Variants in GNAL observed in about 807,000 individuals in gnomAD.
The protein encoded by GNAL is G protein subunit alpha L, also known as guanine nucleotide-binding protein G(olf) subunit alpha.
Under a neutral mutation model 55.1 loss-of-function variants are expected in GNAL, and 18 were observed. The observed-to-expected ratio is 0.33, with a 90% CI of 0.23 to 0.48. GNAL has a LOEUF of 0.48. GNAL is among the 20% of genes least tolerant of loss of function. The pLI is 0.99. For missense variants in GNAL, 412 were observed against 614.1 expected, an observed-to-expected ratio of 0.67 and a Z score of 3.48; for synonymous variants, 253 against 237.0, an observed-to-expected ratio of 1.07 and a Z score of -0.62.
At chr18:11,761,379 TGTGGGA>T (rs2033238065) in intron 4 of GNAL, among the ~76,000 whole-genome samples, 1 of 152,212 alleles carries the variant, frequency 6.6e-6, no homozygotes, top group Non-Finnish European at 1.5e-5. Flanking sequence ...CAGGTTCTCA[TGTGGGA>T]GTCCCCCAGG....
Position 11,752,258 on chromosome 18 carries a change from G to A in GNAL, c.377-595G>A. 7.5e-7 allele frequency: 1 copy of A among 1,339,916 alleles called. No homozygotes were observed. The highest frequency in any genetic ancestry group is 9.7e-7 in the Non-Finnish European group (1 of 1,032,162). The allele number at this position is 1,339,916 out of a possible 1,614,324, so 83.0% of individuals were successfully genotyped here. ...GCCATTTAGTTGGGAGTTTGCGGTG[G>A]GCAGGGGGAGGGAGAAGAAACGCCT... On this transcript the variant is annotated intron_variant, in intron 1 of 11. Coordinates refer to ENST00000334049, the MANE Select transcript of GNAL (RefSeq NM_182978.4). This position sits in a 1 kb window ranked among gnomAD's most constrained non-coding sequence, Gnocchi z 4.5.
intron 5 of GNAL, among the ~76,000 whole-genome samples, chr18:11,861,390 C>T (rs1159793745): frequency 6.6e-6 from 1 of 152,188 alleles, no homozygotes; most frequent in Non-Finnish European, 1.5e-5. Context: ...CAATGGTCAC[C>T]TGTCCCAGCC....
intron 4 of GNAL, among the ~76,000 whole-genome samples, chr18:11,784,107 C>A (rs1045732467): frequency 2.0e-5 from 3 of 152,224 alleles, no homozygotes; most frequent in Non-Finnish European, 4.4e-5. Flanking sequence ...AGTAGCGTTG[C>A]CTGAGTACCG....
At chr18:11,873,010 G>A (rs900976988) in intron 10 of GNAL, among the ~76,000 whole-genome samples, 1 of 152,162 alleles carries the variant, frequency 6.6e-6, no homozygotes, top group Non-Finnish European at 1.5e-5. Flanking sequence ...AGGGGTTTCC[G>A]GGGCACGGGA....
intron 1 of GNAL, among the ~76,000 whole-genome samples, chr18:11,696,100 A>G (rs1242513449): frequency 6.6e-6 from 1 of 152,148 alleles, no homozygotes; most frequent in Non-Finnish European, 1.5e-5. Flanking sequence ...ATCCTTATTA[A>G]CTTGCTGTCT....
At chr18:11,763,591 G>A (rs1288047583) in intron 4 of GNAL, among the ~76,000 whole-genome samples, 1 of 151,774 alleles carries the variant, frequency 6.6e-6, no homozygotes, top group Non-Finnish European at 1.5e-5. Context: ...TGGCCAGGCT[G>A]GTCTCAAACT....
chr18:11,851,922 C>T lies in GNAL; in HGVS notation c.723-10473C>T, dbSNP rs774862422. ...CGCAGCAAATGGAAGACACGATGAG[C>T]AGCACGACGACGCTCACCACTCCCC... is the stretch of plus-strand genomic sequence containing the variant. On this transcript the variant is annotated intron_variant, in intron 5 of 11. Transcript: ENST00000334049. The T allele has an allele frequency of 4.3e-6, 7 of 1,613,918 alleles. No individual in the cohort carries two copies. In the Admixed American group the frequency reaches 1.0e-4, roughly 23 times the overall value.
intron 4 of GNAL, among the ~76,000 whole-genome samples, chr18:11,819,522 C>T (rs2035040372): frequency 6.6e-6 from 1 of 151,952 alleles, no homozygotes; most frequent in African/African-American, 2.4e-5. Flanking sequence ...ATATAAATAA[C>T]AAATATTCAC....
chr18:11,862,499 T>C (rs1449077742), intron 6 of GNAL, 50 bp downstream of exon 6: 2 of 1,303,344 alleles, frequency 1.5e-6, no homozygotes. Context: ...TTGAGATTCA[T>C]TTCCAATATG....
At chr18:11,789,419 C>T (rs1470274177) in intron 4 of GNAL, among the ~76,000 whole-genome samples, 2 of 152,212 alleles carry the variant, frequency 1.3e-5, no homozygotes, top group African/African-American at 2.4e-5. Context: ...TGGATTCCCA[C>T]GTAGTTGGCA....
At chr18:11,799,166 G>A (rs943439941) in intron 4 of GNAL, among the ~76,000 whole-genome samples, 27 of 151,038 alleles carry the variant, frequency 1.8e-4, no homozygotes, top group Non-Finnish European at 3.2e-4. Context: ...TGGAAATTAA[G>A]CCTCAAACTA....
intron 4 of GNAL, among the ~76,000 whole-genome samples, chr18:11,795,081 G>A (rs1002049942): frequency 6.6e-6 from 1 of 152,010 alleles, no homozygotes; most frequent in Non-Finnish European, 1.5e-5. Flanking sequence ...GACCTCAGGT[G>A]ATCTGCCCAT....
At chr18:11,805,302 A>G (rs1045065702) in intron 4 of GNAL, among the ~76,000 whole-genome samples, 3 of 149,942 alleles carry the variant, frequency 2.0e-5, no homozygotes, top group Non-Finnish European at 4.4e-5. Flanking sequence ...TGCAATTTGA[A>G]TGGAACATGG....
At chr18:11,842,529 G>T (rs987052996) in intron 5 of GNAL, among the ~76,000 whole-genome samples, 2 of 151,974 alleles carry the variant, frequency 1.3e-5, no homozygotes, top group African/African-American at 4.8e-5. Context: ...CCTGCAACTA[G>T]ATGGTCCCAT....
intron 4 of GNAL, among the ~76,000 whole-genome samples, chr18:11,769,157 T>C (rs8096000): frequency 0.14 from 13,732 of 98,270 alleles, 1,982 homozygotes; most frequent in East Asian, 0.29. Flanking sequence ...ATTATATAAA[T>C]TATATGTAAT....
chr18:11,770,318 A>G (rs1054188074), intron 4 of GNAL, among the ~76,000 whole-genome samples: 4 of 152,202 alleles, frequency 2.6e-5, no homozygotes, highest in Admixed American at 1.3e-4. Flanking sequence ...ACTTACCTCA[A>G]TGATTATTCT....
At chr18:11,770,395 A>G (rs973657191) in intron 4 of GNAL, among the ~76,000 whole-genome samples, 1 of 152,224 alleles carries the variant, frequency 6.6e-6, no homozygotes, top group African/African-American at 2.4e-5. Context: ...GAAAAAAGAA[A>G]AAAGGGAAAA....
chr18:11,844,302 C>T (rs867930337), intron 5 of GNAL, among the ~76,000 whole-genome samples: 1 of 150,968 alleles, frequency 6.6e-6, no homozygotes, highest in Admixed American at 6.6e-5. Context: ...GGCGTGGTGG[C>T]GGGCGCCTGT....
intron 4 of GNAL, among the ~76,000 whole-genome samples, chr18:11,785,219 T>C (rs755630457): frequency 5.3e-5 from 8 of 152,098 alleles, no homozygotes; most frequent in Non-Finnish European, 1.2e-4. Context: ...TCTAGAAAGC[T>C]GAAAATGAGA....
Sources: allele counts gnomAD v4.1 joint callset (sites outside exome capture counted in the v4.1 genomes callset), GRCh38; gene constraint gnomAD v4.1.1; non-coding constraint Gnocchi (gnomAD v3.1); transcripts MANE v1.5; gene names NCBI Gene and HGNC (gene_info 2026-07-23, HGNC 2026-07-21).